The following ARHGAP19 variants were observed in gnomAD, a reference collection of about 807,000 sequenced individuals.
ARHGAP19 encodes rho GTPase-activating protein 19.
ARHGAP19 carries 48 observed loss-of-function variants against 60.9 expected under a neutral mutation model. The observed-to-expected ratio is 0.79, with a 90% CI of 0.62 to 1.00. ARHGAP19 has a LOEUF of 1.00. Among genes scored for constraint, ARHGAP19 ranks in the 50% least tolerant of loss-of-function variants. The pLI, the probability that ARHGAP19 is intolerant of heterozygous loss-of-function variation, is 0.00. For synonymous variants in ARHGAP19, 209 were observed against 215.5 expected (o/e 0.97, Z 0.27); for missense variants, 562 against 597.2 (o/e 0.94, Z 0.61).
At chr10:97,251,125 GGGGAA>G (rs1280506909) in intron 6 of ARHGAP19, among the ~76,000 whole-genome samples, 1 of 136,052 alleles carries the variant, frequency 7.4e-6, no homozygotes, top group East Asian at 2.2e-4. Context: ...GGAAGAGAAA[GGGGAA>G]GGGAAGGGAA....
At chr10:97,230,926 G>A (rs987782535) in intron 9 of ARHGAP19, among the ~76,000 whole-genome samples, 1 of 151,918 alleles carries the variant, frequency 6.6e-6, no homozygotes, top group Non-Finnish European at 1.5e-5. Flanking sequence ...GCGTGGTGGT[G>A]CATGCCTGTA....
At chr10:97,261,827 A>G (rs1842833390) in intron 4 of ARHGAP19, among the ~76,000 whole-genome samples, 2 of 152,240 alleles carry the variant, frequency 1.3e-5, no homozygotes, top group South Asian at 4.1e-4. Context: ...CTTAGAGCCC[A>G]TAGCAGCATA....
In ARHGAP19 at chr10:97,247,124, C is replaced by T. The variant is rs187099287; in HGVS notation, c.928-787G>A. 5.5e-3 allele frequency among the ~76,000 whole-genome samples: 825 copies of T among 150,314 alleles called. 5 individuals carry two copies. Among genetic ancestry groups the T allele is most frequent in the African/African-American group, 0.019 (760 of 40,834 alleles). On this transcript the variant is annotated intron_variant, in intron 6 of 11. Transcript: ENST00000358531. Reference sequence around the variant, plus strand: ...TGCACTCCAGCCTGGGCAACAAGAGCGAAACTCCATCTCAAAAAAAAAAAA... The same window carrying T: ...TGCACTCCAGCCTGGGCAACAAGAGTGAAACTCCATCTCAAAAAAAAAAAA...
At chr10:97,251,868 G>A (rs1842687693) in intron 6 of ARHGAP19, among the ~76,000 whole-genome samples, 1 of 148,708 alleles carries the variant, frequency 6.7e-6, no homozygotes, top group Non-Finnish European at 1.5e-5. Context: ...AGGGCACCAG[G>A]CTTAGACAAA....
chr10:97,275,162 C>G (rs1345717447), intron 1 of ARHGAP19: 1 of 1,790 alleles, frequency 5.6e-4, no homozygotes, highest in African/African-American at 5.7e-4. Flanking sequence ...GCCCGGCCGC[C>G]ACCCCGTCTG....
At position 97,230,546 on chromosome 10, in the gene ARHGAP19, A is replaced by AT. The variant is rs200759207; in HGVS notation, c.1285-673dup. 3.8e-4 allele frequency among the ~76,000 whole-genome samples: 58 copies of AT among 151,964 alleles called. No homozygotes were observed. In the South Asian group the frequency reaches 6.2e-3, roughly 16 times the overall value. On this transcript the variant is annotated intron_variant, in intron 9 of 11. Coordinates refer to ENST00000358531, the MANE Select transcript of ARHGAP19 (RefSeq NM_032900.6). The stretch of plus-strand genomic sequence containing the variant: ...TGACAATTCTACCATCTTTGGAGAA[A>AT]TTTTTTTTTCCCTTAGAGAATAAAT...
rs1307246737 is a variant in ARHGAP19 at position 97,235,339 on chromosome 10, T to G, written c.1186-24A>C. ...AACTAAAAGAAAACATGGAGAACATTTTATAAATACTTTCCCATCAAGACA... is the reference window on the plus strand; with the variant it reads ...AACTAAAAGAAAACATGGAGAACATGTTATAAATACTTTCCCATCAAGACA... On this transcript the variant is annotated intron_variant, in intron 8 of 11. Transcript: ENST00000358531. 2.6e-6 allele frequency: 4 copies of G among 1,563,300 alleles called. No individual in the cohort carries two copies. The Admixed American group carries it at 6.7e-5, about 26-fold the overall frequency.
At chr10:97,287,501 G>C (rs1445106942) in intron 1 of ARHGAP19, among the ~76,000 whole-genome samples, 1 of 152,154 alleles carries the variant, frequency 6.6e-6, no homozygotes, top group African/African-American at 2.4e-5. Flanking sequence ...CAACACTTTG[G>C]GAGGCCAAGG....
At chr10:97,256,545 T>G in intron 5 of ARHGAP19, 141 bp from the exon 6 acceptor site, 1 of 614,366 alleles carries the variant, frequency 1.6e-6, no homozygotes, top group South Asian at 2.1e-5. Context: ...CTGGGAAGAC[T>G]TTTTGGTTCA....
At chr10:97,238,258 T>G (rs900100703) in intron 8 of ARHGAP19, among the ~76,000 whole-genome samples, 3 of 152,244 alleles carry the variant, frequency 2.0e-5, no homozygotes, top group South Asian at 2.1e-4. Context: ...CAGGCTGGAG[T>G]GCAGTGGTGC....
At chr10:97,291,201 G>C (rs769575212) in intron 1 of ARHGAP19, among the ~76,000 whole-genome samples, 8 of 152,068 alleles carry the variant, frequency 5.3e-5, no homozygotes, top group Non-Finnish European at 8.8e-5. Context: ...CCCACTTTGG[G>C]TCCCCTCCCT....
chr10:97,260,997 T>C (rs1465033852), intron 4 of ARHGAP19, among the ~76,000 whole-genome samples: 1 of 150,802 alleles, frequency 6.6e-6, no homozygotes, highest in East Asian at 1.9e-4. Context: ...ACTCCACTTT[T>C]CCCCACTCAG....
At chr10:97,253,347 C>T (rs970665639) in intron 6 of ARHGAP19, among the ~76,000 whole-genome samples, 3 of 144,570 alleles carry the variant, frequency 2.1e-5, no homozygotes, top group Non-Finnish European at 4.5e-5. Flanking sequence ...CACTGCACTT[C>T]AGCACAGGTA....
In ARHGAP19 at chr10:97,256,351, A is replaced by T; in HGVS notation, c.894T>A (p.Ala298=). The part of the protein sequence containing the change: ...ENITKLNSGM[A]FMIKHSQKLF... ...GTTTCTGGGAGTGTTTAATCATAAA[A>T]GCCATCCCACTGTTTAACTTTGTGA... is the stretch of plus-strand genomic sequence containing the variant. Residue 298 remains alanine, a synonymous_variant, in exon 6 of 12, where the codon GCT becomes GCA. Transcript: ENST00000358531. 1 of 1,614,182 alleles carries T rather than the reference A, an allele frequency of 6.2e-7. No individual in the cohort carries two copies.
intron 1 of ARHGAP19, 91 bp from the exon 2 acceptor site, chr10:97,266,216 A>G: frequency 4.1e-6 from 6 of 1,463,912 alleles, no homozygotes; most frequent in Non-Finnish European, 5.6e-6. Flanking sequence ...GACTCCACGC[A>G]AAGGCAGAGG....
chr10:97,258,254 G>C (rs1041331519), intron 5 of ARHGAP19, among the ~76,000 whole-genome samples: 1 of 152,108 alleles, frequency 6.6e-6, no homozygotes, highest in African/African-American at 2.4e-5. Context: ...GGCCAGGCGC[G>C]GTGGCTCACA....
At chr10:97,243,545 T>C (rs2134838214) in intron 8 of ARHGAP19, among the ~76,000 whole-genome samples, 1 of 152,356 alleles carries the variant, frequency 6.6e-6, no homozygotes, top group South Asian at 2.1e-4. Flanking sequence ...TAGACTTTGC[T>C]ATGCCAGCCA....
intron 6 of ARHGAP19, among the ~76,000 whole-genome samples, chr10:97,251,251 GAGGGA>G (rs1842647895): frequency 3.2e-4 from 1 of 3,092 alleles, no homozygotes; most frequent in Non-Finnish European, 7.2e-4. Context: ...AGGGAAGGGG[GAGGGA>G]AGGGGAAGGG....
Position 97,282,839 on chromosome 10 carries a change from C to CTTTTT in ARHGAP19, c.56+9728_56+9732dup, listed in dbSNP as rs56387291. Among the ~76,000 whole-genome samples the CTTTTT allele has an allele frequency of 1.9e-4, 17 of 91,000 alleles. No homozygotes were observed. The South Asian group carries it at 2.0e-3, about 11-fold the overall frequency. 59.7% of individuals were successfully genotyped at this position (91,000 alleles called of 152,430 possible). A position where few individuals can be genotyped will look rare whatever the true frequency, so the allele number is the denominator to read the frequency against. On this transcript the variant is annotated intron_variant, in intron 1 of 11. Transcript: ENST00000358531. ...TAAAGTACTATGTAGTTTCTTTTTT[C>CTTTTT]TTTTTTTTTTTTTTTTTTTTGAGAC...
Sources: gnomAD v4.1 joint callset for allele counts (sites outside exome capture counted in the v4.1 genomes callset) on GRCh38, gnomAD v4.1.1 for gene constraint, MANE v1.5 for transcripts, NCBI Gene and HGNC (gene_info 2026-07-23, HGNC 2026-07-21) for gene names.